Variants in GREB1 observed in about 807,000 individuals in gnomAD.
GREB1 encodes growth regulating estrogen receptor binding 1.
In GREB1, 106 loss-of-function variants were observed where a neutral mutation model predicts 200.7. The ratio of observed to expected loss-of-function variants is 0.53; its 90% CI spans 0.45 to 0.62. The LOEUF (loss-of-function observed/expected upper bound fraction) is 0.62, where lower values mean the gene tolerates loss of function less well. Ranked by LOEUF, GREB1 falls within the 20% of genes least tolerant of loss-of-function variation. The probability of loss-of-function intolerance (pLI) is 0.00; values close to 1 mark genes in which losing one functional copy is unlikely to be tolerated. For missense variants in GREB1, 2,243 were observed against 2,556.8 expected, an observed-to-expected ratio of 0.88 and a Z score of 2.65; for synonymous variants, 1,132 against 1,092.4, an observed-to-expected ratio of 1.04 and a Z score of -0.72.
At chr2:11,557,337 A>G (rs1388569065) in intron 2 of GREB1, among the ~76,000 whole-genome samples, 1 of 152,234 alleles carries the variant, frequency 6.6e-6, no homozygotes, top group African/African-American at 2.4e-5. Flanking sequence ...TTTTCATTTC[A>G]GAAGTAACCC....
At chr2:11,627,809 A>G (rs1217335991) in intron 25 of GREB1, among the ~76,000 whole-genome samples, 1 of 152,182 alleles carries the variant, frequency 6.6e-6, no homozygotes, top group Non-Finnish European at 1.5e-5. Flanking sequence ...TGTCCTATTT[A>G]CTTCACACTA....
chr2:11,501,148 C>T (rs933016182), intron 1 of GREB1, among the ~76,000 whole-genome samples: 3 of 152,156 alleles, frequency 2.0e-5, no homozygotes, highest in Admixed American at 6.5e-5. Context: ...ACTGCAGCTT[C>T]GGCCAGTGAA....
At chr2:11,611,211 C>CA (rs1682897722) in intron 18 of GREB1, among the ~76,000 whole-genome samples, 184 bp downstream of exon 18, 1 of 152,190 alleles carries the variant, frequency 6.6e-6, no homozygotes, top group African/African-American at 2.4e-5. Flanking sequence ...GCAGCACCCC[C>CA]ACACCCCTGC....
At chr2:11,561,134 A>T (rs1476192313) in intron 2 of GREB1, 1 of 152,138 alleles carries the variant, frequency 6.6e-6, no homozygotes, top group Non-Finnish European at 1.5e-5. Context: ...GGCTCTCCTG[A>T]CCTGTTCAAC....
chr2:11,598,642 A>T, intron 14 of GREB1, 38 bp from the exon 15 acceptor site: 1 of 1,594,080 alleles, frequency 6.3e-7, no homozygotes, highest in Non-Finnish European at 8.6e-7. Context: ...CCCAGTGCGC[A>T]TGTTTGCAGT....
chr2:11,622,911 A>G (rs1218507458), intron 23 of GREB1, among the ~76,000 whole-genome samples: 3 of 152,206 alleles, frequency 2.0e-5, no homozygotes, highest in Non-Finnish European at 4.4e-5. Flanking sequence ...GTTGCTCTGG[A>G]TGGAGATAGC....
upstream of GREB1, among the ~76,000 whole-genome samples, chr2:11,529,555 C>T (rs544121512): frequency 6.6e-6 from 1 of 152,244 alleles, no homozygotes; most frequent in South Asian, 2.1e-4. Context: ...TTTATGTAGC[C>T]CATAGTGTGA....
At chr2:11,486,598 G>T (rs559529830) in intron 1 of GREB1, among the ~76,000 whole-genome samples, 1 of 152,050 alleles carries the variant, frequency 6.6e-6, no homozygotes, top group South Asian at 2.1e-4. Context: ...GATGCCTATA[G>T]TCCCAACGCC....
chr2:11,562,709 C>T (rs1677201001), intron 3 of GREB1, 127 bp downstream of exon 3: 2 of 1,182,668 alleles, frequency 1.7e-6, no homozygotes, highest in South Asian at 3.2e-5. Context: ...TTTGCTTTCC[C>T]TGAGGTGTGA....
chr2:11,587,733 A>C, intron 9 of GREB1: 1 of 1,175,014 alleles, frequency 8.5e-7, no homozygotes, highest in Non-Finnish European at 1.1e-6. Flanking sequence ...ACACACACAC[A>C]CACACACACG....
chr2:11,591,310 G>A (rs895523503), intron 10 of GREB1: 2 of 712,930 alleles, frequency 2.8e-6, no homozygotes, highest in Admixed American at 4.1e-5. Context: ...AACCATGGGA[G>A]ATAGCTCAGG....
rs1410850576 is a variant in GREB1 at position 11,636,946 on chromosome 2, A to G, written c.5347-770A>G. On this transcript the variant is annotated intron_variant, in intron 30 of 32. Transcript: ENST00000381486. ...CAGGGACAGAGGCAGGGTCATGGGC[A>G]GGGACAGAGGCAGGGGCAGGGACAG... Among the ~76,000 whole-genome samples the G allele has an allele frequency of 3.0e-5, 4 of 131,814 alleles. 1 individual carries two copies. Among genetic ancestry groups the G allele is most frequent in the Non-Finnish European group, 6.7e-5 (4 of 59,932 alleles). 86.5% of individuals were successfully genotyped at this position (131,814 alleles called of 152,430 possible). A position where few individuals can be genotyped will look rare whatever the true frequency, so the allele number is the denominator to read the frequency against.
At position 11,634,190 on chromosome 2, in the gene GREB1, C is replaced by A. The variant is rs756930091; in HGVS notation, c.5051C>A (p.Ala1684Glu). 1.2e-6 allele frequency: 2 copies of A among 1,614,202 alleles called. No homozygotes were observed. The highest frequency in any genetic ancestry group is 2.2e-5 in the East Asian group (1 of 44,882). The change falls in exon 29 of 33, where the codon GCG becomes GAG. Residue 1684 changes from alanine (A) to glutamate (E), a missense_variant. Physicochemically the swap from Ala to Glu is moderately radical, Grantham distance 107. Around this residue, in one of 3 missense-constraint regions of GREB1, gnomAD observed 478 missense variants for 616.3 expected, o/e 0.78. Transcript: ENST00000381486. The part of the protein sequence containing the change: ...SLKHIMQHIE[A>E]APDIMHYALL... Reference sequence around the variant, plus strand: ...AAGCACATCATGCAGCACATCGAGGCGGCCCCCGACATCATGCACTACGCC... The same window carrying A: ...AAGCACATCATGCAGCACATCGAGGAGGCCCCCGACATCATGCACTACGCC...
chr2:11,588,128 C>A, intron 9 of GREB1: 1 of 414,452 alleles, frequency 2.4e-6, no homozygotes, highest in Non-Finnish European at 3.3e-6. Flanking sequence ...ACTCGGGAGG[C>A]TGAGGTGGGA....
At chr2:11,512,489 C>T (rs1673378660) in intron 1 of GREB1, among the ~76,000 whole-genome samples, 1 of 152,146 alleles carries the variant, frequency 6.6e-6, no homozygotes, top group East Asian at 1.9e-4. Context: ...ATTTTCCTGG[C>T]AACATTGAAG....
chr2:11,610,285 T>C (rs1196579840), intron 17 of GREB1, among the ~76,000 whole-genome samples: 1 of 152,240 alleles, frequency 6.6e-6, no homozygotes, highest in Non-Finnish European at 1.5e-5. Flanking sequence ...TGATTGCTGG[T>C]GGTTCTCCTG....
chr2:11,519,884 C>G (rs1673646823), intron 1 of GREB1, among the ~76,000 whole-genome samples: 1 of 152,182 alleles, frequency 6.6e-6, no homozygotes, highest in South Asian at 2.1e-4. Context: ...CGTCTATAAT[C>G]CCAGCACTTT....
At chr2:11,627,466 A>C (rs1440931980) in intron 25 of GREB1, among the ~76,000 whole-genome samples, 1 of 152,212 alleles carries the variant, frequency 6.6e-6, no homozygotes, top group South Asian at 2.1e-4. Flanking sequence ...CCCATCCTCC[A>C]TGCTCAGTCT....
Position 11,626,947 on chromosome 2 carries a change from G to C in GREB1, c.4307-15G>C. The C allele has an allele frequency of 6.2e-7, 1 of 1,613,990 alleles. No individual in the cohort carries two copies. Among genetic ancestry groups the C allele is most frequent in the Non-Finnish European group, 8.5e-7 (1 of 1,179,906 alleles). The stretch of plus-strand genomic sequence containing the variant: ...TGCTCCCTGCTGCTTTTTAATCCTG[G>C]GGAATTTGGTGCAGACAGAGGGATG... On this transcript the variant is annotated splice_polypyrimidine_tract_variant and intron_variant, in intron 24 of 32. Transcript: ENST00000381486.
Sources: allele counts gnomAD v4.1 joint callset (sites outside exome capture counted in the v4.1 genomes callset), GRCh38; gene constraint gnomAD v4.1.1; regional missense constraint gnomAD v4.1.1; transcripts MANE v1.5; gene names NCBI Gene and HGNC (gene_info 2026-07-23, HGNC 2026-07-21).